NELL2: variants seen among roughly 807,000 people sequenced by gnomAD.
The protein encoded by NELL2 is neural EGFL like 2, also known as protein kinase C-binding protein NELL2.
In NELL2, 41 loss-of-function variants were observed where a neutral mutation model predicts 109.6. That is an observed-to-expected ratio of 0.37 (90% CI 0.29 to 0.49). NELL2 has a LOEUF of 0.49. Ranked by LOEUF, NELL2 falls within the 20% of genes least tolerant of loss-of-function variation. The pLI is 0.98. For missense variants in NELL2, 900 were observed against 1,008.3 expected (o/e 0.89, Z 1.45); for synonymous variants, 355 against 344.7 (o/e 1.03, Z -0.33).
intron 15 of NELL2, among the ~76,000 whole-genome samples, chr12:44,548,747 A>G (rs1367757098): frequency 1.3e-5 from 2 of 152,176 alleles, no homozygotes; most frequent in South Asian, 2.1e-4. Context: ...GGACTTAAAG[A>G]TAAGTTGTAA....
chr12:44,815,554 A>T (rs1943315411), intron 3 of NELL2, among the ~76,000 whole-genome samples: 1 of 152,228 alleles, frequency 6.6e-6, no homozygotes, highest in East Asian at 1.9e-4. Flanking sequence ...CTTTTAGGCA[A>T]TTACTTTCAA....
intron 15 of NELL2, among the ~76,000 whole-genome samples, chr12:44,577,784 G>C (rs1374746052): frequency 1.3e-5 from 2 of 152,004 alleles, no homozygotes; most frequent in East Asian, 3.9e-4. Flanking sequence ...GGCCGAGCCT[G>C]CCTTCTCTTA....
At chr12:44,775,834 T>C (rs1358629881) in intron 8 of NELL2, among the ~76,000 whole-genome samples, 188 bp downstream of exon 8, 1 of 152,254 alleles carries the variant, frequency 6.6e-6, no homozygotes, top group African/African-American at 2.4e-5. Context: ...CATAATCATC[T>C]TTAGAAGCTA....
In NELL2 at chr12:44,571,524, G is replaced by A. The variant is rs974990819; in HGVS notation, c.1663+35645C>T. 3.9e-5 allele frequency among the ~76,000 whole-genome samples: 6 copies of A among 152,218 alleles called. No individual in the cohort carries two copies. In the East Asian group the frequency reaches 9.7e-4, roughly 25 times the overall value. On this transcript the variant is annotated intron_variant, in intron 15 of 19. Transcript: ENST00000429094. ...TCATTCTAAAGTAAAGCTCTGTCTGGGAAGTGATGTTATCTTGTTCATTAG... is the reference window on the plus strand; with the variant it reads ...TCATTCTAAAGTAAAGCTCTGTCTGAGAAGTGATGTTATCTTGTTCATTAG...
At chr12:44,778,867 A>C (rs901970149) in intron 5 of NELL2, among the ~76,000 whole-genome samples, 1 of 152,196 alleles carries the variant, frequency 6.6e-6, no homozygotes, top group Non-Finnish European at 1.5e-5. Context: ...AGTTCCCAAA[A>C]CACCTTTATA....
At chr12:44,780,137 C>T (rs1941902492) in intron 3 of NELL2, 115 bp from the exon 4 acceptor site, 1 of 1,025,364 alleles carries the variant, frequency 9.8e-7, no homozygotes, top group Admixed American at 2.6e-5. Context: ...CCACTAAGTA[C>T]AACTAGACAT....
At chr12:44,678,140 G>C (rs748618006) in intron 12 of NELL2, among the ~76,000 whole-genome samples, 1 of 151,836 alleles carries the variant, frequency 6.6e-6, no homozygotes, top group Non-Finnish European at 1.5e-5. Flanking sequence ...GAAAGCAGGT[G>C]GAGAAAAATT....
intron 16 of NELL2, among the ~76,000 whole-genome samples, chr12:44,526,991 A>C (rs992531798): frequency 1.3e-5 from 2 of 152,200 alleles, no homozygotes; most frequent in African/African-American, 4.8e-5. Context: ...TCTTGTTTGC[A>C]ATCATTTTCC....
intron 2 of NELL2, among the ~76,000 whole-genome samples, chr12:44,821,420 GA>G (rs1943539807): frequency 6.6e-6 from 1 of 152,124 alleles, no homozygotes; most frequent in African/African-American, 2.4e-5. Context: ...AACCAACACA[GA>G]AAATAATTCA....
chr12:44,632,041 T>C (rs1272178882), intron 13 of NELL2, among the ~76,000 whole-genome samples: 7 of 152,042 alleles, frequency 4.6e-5, no homozygotes, highest in East Asian at 1.9e-4. Context: ...ATCCATGAAA[T>C]TGACCATATT....
At chr12:44,636,607 C>G (rs1343849392) in intron 13 of NELL2, among the ~76,000 whole-genome samples, 1 of 152,122 alleles carries the variant, frequency 6.6e-6, no homozygotes, top group East Asian at 1.9e-4. Flanking sequence ...ATATGTCGAA[C>G]CAGCCTTGCA....
At chr12:44,541,215 C>T (rs1248322286) in intron 15 of NELL2, among the ~76,000 whole-genome samples, 2 of 133,544 alleles carry the variant, frequency 1.5e-5, no homozygotes, top group Non-Finnish European at 3.1e-5. Flanking sequence ...CACGCCACTG[C>T]ACTCCAGCCT....
At chr12:44,685,055 G>T (rs1372146989) in intron 12 of NELL2, among the ~76,000 whole-genome samples, 1 of 152,050 alleles carries the variant, frequency 6.6e-6, no homozygotes. Flanking sequence ...GGGAGTCTAA[G>T]TCTCTTTGTA....
chr12:44,835,086 C>T (rs1944011096), intron 2 of NELL2, among the ~76,000 whole-genome samples: 1 of 152,054 alleles, frequency 6.6e-6, no homozygotes, highest in Non-Finnish European at 1.5e-5. Flanking sequence ...TCAAGGGACA[C>T]CCATGGTATC....
Position 44,614,003 on chromosome 12 carries a change from A to G in NELL2, c.1445-3033T>C, listed in dbSNP as rs561066639. ...AAATTCTAAGGTAAAATTTAAATCA[A>G]TATTATGTTCCAATGTTTAAGAAGA... On this transcript the variant is annotated intron_variant, in intron 13 of 19. Transcript: ENST00000429094. 5.9e-5 allele frequency among the ~76,000 whole-genome samples: 9 copies of G among 152,162 alleles called. No individual in the cohort carries two copies. The South Asian group carries it at 1.9e-3, about 32-fold the overall frequency.
chr12:44,600,386 A>G (rs1945174010), intron 15 of NELL2, among the ~76,000 whole-genome samples: 4 of 151,988 alleles, frequency 2.6e-5, no homozygotes, highest in Admixed American at 2.6e-4. Context: ...ATATCCTTCA[A>G]GAAGAAAGAA....
At chr12:44,530,324 G>T (rs919103099) in intron 16 of NELL2, among the ~76,000 whole-genome samples, 1 of 152,158 alleles carries the variant, frequency 6.6e-6, no homozygotes, top group East Asian at 1.9e-4. Flanking sequence ...TATTGACAGA[G>T]AATAAAGAGA....
At chr12:44,874,521 T>C (rs1945258367) in intron 2 of NELL2, among the ~76,000 whole-genome samples, 1 of 152,230 alleles carries the variant, frequency 6.6e-6, no homozygotes. Flanking sequence ...ATTTGAGATG[T>C]AGACATTTGT....
chr12:44,625,008 A>ATATATC (rs1946197593), intron 13 of NELL2, among the ~76,000 whole-genome samples: 1 of 124,420 alleles, frequency 8.0e-6, no homozygotes, highest in Non-Finnish European at 1.5e-5. Context: ...ATATATATAT[A>ATATATC]TATATATATA....
Sources: allele counts gnomAD v4.1 joint callset (sites outside exome capture counted in the v4.1 genomes callset), GRCh38; gene constraint gnomAD v4.1.1; transcripts MANE v1.5; gene names NCBI Gene and HGNC (gene_info 2026-07-23, HGNC 2026-07-21).